Variants in THSD7A observed in about 807,000 individuals in gnomAD.
THSD7A encodes thrombospondin type 1 domain containing 7A.
A neutral mutation model predicts 231.3 loss-of-function variants in THSD7A; 96 were observed. The observed-to-expected ratio is 0.41, with a 90% CI of 0.35 to 0.49. THSD7A has a LOEUF of 0.49. Among genes scored for constraint, THSD7A ranks in the 20% least tolerant of loss-of-function variants. The probability of loss-of-function intolerance (pLI) is 0.05; values close to 1 mark genes in which losing one functional copy is unlikely to be tolerated. For missense variants in THSD7A, 2,290 were observed against 2,070.2 expected, an observed-to-expected ratio of 1.11 and a Z score of -2.06; for synonymous variants, 940 against 743.3, an observed-to-expected ratio of 1.26 and a Z score of -4.30.
chr7:11,805,159 C>G (rs1784368354), intron 1 of THSD7A, among the ~76,000 whole-genome samples: 1 of 152,082 alleles, frequency 6.6e-6, no homozygotes, highest in African/African-American at 2.4e-5. Context: ...AAACTTCCTC[C>G]TCTTGTTTAC....
intron 6 of THSD7A, among the ~76,000 whole-genome samples, chr7:11,483,155 G>T (rs1398239653): frequency 1.6e-4 from 25 of 152,202 alleles, no homozygotes; most frequent in Non-Finnish European, 4.4e-5. Context: ...AGAGGCTACT[G>T]AACAAAATAG....
rs1036327625 is a variant in THSD7A at position 11,590,862 on chromosome 7, C to A, written c.1272-221G>T. 6.6e-6 allele frequency among the ~76,000 whole-genome samples: 1 copy of A among 152,144 alleles called. No individual in the cohort carries two copies. Among genetic ancestry groups the A allele is most frequent in the Non-Finnish European group, 1.5e-5 (1 of 68,032 alleles). On this transcript the variant is annotated intron_variant, in intron 3 of 27. Coordinates refer to ENST00000423059, the MANE Select transcript of THSD7A (RefSeq NM_015204.3). The surrounding 1 kb of genome is among the most constrained non-coding windows in gnomAD (Gnocchi z 4.4). Reference sequence around the variant, plus strand: ...ATTTAGGGTGATCCTGTTTCAATTGCAATTACTGGAAGTTACTTATAAATA... The same window carrying A: ...ATTTAGGGTGATCCTGTTTCAATTGAAATTACTGGAAGTTACTTATAAATA...
At chr7:11,769,153 A>ATATATATATATATTTTTTTT in intron 1 of THSD7A, among the ~76,000 whole-genome samples, 1 of 27,650 alleles carries the variant, frequency 3.6e-5, no homozygotes, top group African/African-American at 1.2e-4. Flanking sequence ...ATATATATAT[A>ATATATATATATATTTTTTTT]TTTTTTTTTT....
chr7:11,456,482 C>G (rs1171206560), intron 11 of THSD7A, among the ~76,000 whole-genome samples: 1 of 151,934 alleles, frequency 6.6e-6, no homozygotes, highest in African/African-American at 2.4e-5. Context: ...TCTTTTATTG[C>G]TGAATTGAAT....
chr7:11,701,787 C>T (rs1780609615), intron 1 of THSD7A, among the ~76,000 whole-genome samples: 1 of 151,220 alleles, frequency 6.6e-6, no homozygotes, highest in Non-Finnish European at 1.5e-5. Flanking sequence ...TTTAAATCTA[C>T]TTCTCAAATG....
intron 1 of THSD7A, among the ~76,000 whole-genome samples, chr7:11,725,604 G>A (rs972469606): frequency 6.6e-6 from 1 of 151,866 alleles, no homozygotes; most frequent in Non-Finnish European, 1.5e-5. Context: ...TCTTTATTTG[G>A]TTAATTAGTT....
chr7:11,748,849 C>T (rs984551220), intron 1 of THSD7A, among the ~76,000 whole-genome samples: 1 of 151,724 alleles, frequency 6.6e-6, no homozygotes, highest in African/African-American at 2.4e-5. Context: ...TGGAGTCGCA[C>T]GTTGTTATAG....
chr7:11,469,049 T>C (rs1012713393), intron 9 of THSD7A, among the ~76,000 whole-genome samples: 1 of 152,102 alleles, frequency 6.6e-6, no homozygotes, highest in African/African-American at 2.4e-5. Flanking sequence ...TAAAATAGTT[T>C]GTTAAGCTAG....
chr7:11,511,042 T>C (rs1393573749), intron 6 of THSD7A, among the ~76,000 whole-genome samples: 1 of 152,168 alleles, frequency 6.6e-6, no homozygotes, highest in Non-Finnish European at 1.5e-5. Flanking sequence ...CCCCATCGTC[T>C]CAGCCCAAAA....
At position 11,375,903 on chromosome 7, in the gene THSD7A, G is replaced by T. The variant is rs367638656; in HGVS notation, c.4890-25C>A. On this transcript the variant is annotated intron_variant, in intron 27 of 27. Coordinates refer to ENST00000423059, the MANE Select transcript of THSD7A (RefSeq NM_015204.3). ...GCTGTAAAAAAATTCGGAATTAGGAGAAAGAAAATCAGTTTCTAATTGTAA... is the reference window on the plus strand; with the variant it reads ...GCTGTAAAAAAATTCGGAATTAGGATAAAGAAAATCAGTTTCTAATTGTAA... The T allele has an allele frequency of 5.0e-6, 8 of 1,603,292 alleles. No individual in the cohort carries two copies. In the African/African-American group the frequency reaches 1.1e-4, roughly 22 times the overall value.
chr7:11,488,553 A>C (rs983835928), intron 6 of THSD7A, among the ~76,000 whole-genome samples: 1 of 152,048 alleles, frequency 6.6e-6, no homozygotes, highest in Non-Finnish European at 1.5e-5. Flanking sequence ...GTCAATTTTA[A>C]TCCCTGCATT....
intron 23 of THSD7A, chr7:11,384,449 G>A (rs1309280560): frequency 6.6e-6 from 1 of 151,648 alleles, no homozygotes; most frequent in East Asian, 1.9e-4. Flanking sequence ...TCTACCTTGA[G>A]TTCATGAAAA....
chr7:11,624,065 T>C (rs79385277), intron 2 of THSD7A, among the ~76,000 whole-genome samples: 4,339 of 152,262 alleles, frequency 0.028, 191 homozygotes, highest in African/African-American at 0.093. Context: ...ACTCCAAAGG[T>C]TGGAGGCTGG....
At chr7:11,704,294 G>T (rs897567084) in intron 1 of THSD7A, among the ~76,000 whole-genome samples, 1 of 150,858 alleles carries the variant, frequency 6.6e-6, no homozygotes, top group Admixed American at 6.6e-5. Context: ...AGATGAAAAA[G>T]ATTTAAAATA....
At chr7:11,529,423 G>A (rs1301635816) in intron 6 of THSD7A, among the ~76,000 whole-genome samples, 1 of 152,120 alleles carries the variant, frequency 6.6e-6, no homozygotes, top group African/African-American at 2.4e-5. Context: ...GATATGGTTT[G>A]CGTGTGTCCC....
intron 1 of THSD7A, among the ~76,000 whole-genome samples, chr7:11,676,662 G>A (rs968174138): frequency 1.3e-5 from 2 of 152,030 alleles, no homozygotes; most frequent in African/African-American, 2.4e-5. Flanking sequence ...TGGAAGAAAG[G>A]ATATCAGAGA....
At chr7:11,700,745 G>A (rs1270208224) in intron 1 of THSD7A, among the ~76,000 whole-genome samples, 1 of 151,040 alleles carries the variant, frequency 6.6e-6, no homozygotes, top group Non-Finnish European at 1.5e-5. Context: ...GGAATTTATT[G>A]CTCTTGCTCT....
chr7:11,717,783 A>G (rs1781192952), intron 1 of THSD7A, among the ~76,000 whole-genome samples: 1 of 151,532 alleles, frequency 6.6e-6, no homozygotes, highest in Non-Finnish European at 1.5e-5. Flanking sequence ...ATGAAGTATT[A>G]TTTTTTGGTC....
intron 23 of THSD7A, among the ~76,000 whole-genome samples, chr7:11,397,065 T>C (rs1287523533): frequency 6.6e-6 from 1 of 152,200 alleles, no homozygotes; most frequent in Non-Finnish European, 1.5e-5. Flanking sequence ...GAAGAGGCCT[T>C]TGACAAAATT....
Sources: gnomAD v4.1 joint callset for allele counts (sites outside exome capture counted in the v4.1 genomes callset) on GRCh38, gnomAD v4.1.1 for gene constraint, Gnocchi (gnomAD v3.1) non-coding constraint, MANE v1.5 for transcripts, NCBI Gene and HGNC (gene_info 2026-07-23, HGNC 2026-07-21) for gene names.